GOLGA2: variants seen among roughly 807,000 people sequenced by gnomAD.
GOLGA2 encodes golgin subfamily A member 2.
In GOLGA2, 49 loss-of-function variants were observed where a neutral mutation model predicts 148.8. The ratio of observed to expected loss-of-function variants is 0.33; its 90% CI spans 0.26 to 0.42. The LOEUF (loss-of-function observed/expected upper bound fraction) is 0.42, where lower values mean the gene tolerates loss of function less well. Among genes scored for constraint, GOLGA2 ranks in the 10% least tolerant of loss-of-function variants. The pLI, the probability that GOLGA2 is intolerant of heterozygous loss-of-function variation, is 1.00. For synonymous variants in GOLGA2, 501 were observed against 511.8 expected (o/e 0.98, Z 0.28); for missense variants, 1,178 against 1,304.6 (o/e 0.90, Z 1.49).
intron 19 of GOLGA2, among the ~76,000 whole-genome samples, chr9:128,259,729 G>C (rs1039373046): frequency 6.6e-6 from 1 of 152,228 alleles, no homozygotes; most frequent in Admixed American, 6.5e-5. Context: ...TCCTTTTTAA[G>C]TTAAAGAAAC....
At position 128,267,492 on chromosome 9, in the gene GOLGA2, C is replaced by T; in HGVS notation, c.527G>A (p.Gly176Asp). ...CESATCVNGEGPASSANLKDL... is the reference protein window; with the variant it reads ...CESATCVNGEDPASSANLKDL... ...CTTCAGGTTAGCAGACGATGCAGGG[C>T]CCTCCCCATTGACACATGTCGCAGA... The change falls in exon 7 of 27, where the codon GGC becomes GAC. Residue 176 changes from glycine (G) to aspartate (D), a missense_variant. Physicochemically the swap from Gly to Asp is moderately conservative, Grantham distance 94. Transcript: ENST00000611957. 1 of 1,613,448 alleles carries T rather than the reference C, an allele frequency of 6.2e-7. No homozygotes were observed. The highest frequency in any genetic ancestry group is 8.5e-7 in the Non-Finnish European group (1 of 1,179,410).
In GOLGA2 at chr9:128,257,249, C is replaced by T. The variant is rs1314871267; in HGVS notation, c.2908G>A (p.Glu970Lys). 1 of 1,613,422 alleles carries T rather than the reference C, an allele frequency of 6.2e-7. No homozygotes were observed. Among genetic ancestry groups the T allele is most frequent in the East Asian group, 2.2e-5 (1 of 44,872 alleles). ...TCCCTGGCCTCTCCTTGGGCAGGCT[C>T]CACACTGCCGGCGAGGCTCACCTCG... ...LCEVSLAGSV[E>K]PAQGEAREGS... Residue 970 changes from glutamate to lysine, a missense_variant, in exon 27 of 27, where the codon GAG becomes AAG. Transcript: ENST00000611957. This position sits in a 1 kb window ranked among gnomAD's most constrained non-coding sequence, Gnocchi z 8.0.
chr9:128,260,789 G>C lies in GOLGA2; in HGVS notation c.1434C>G (p.Pro478=). ...CGGAGGGCCCTGCTGGGGGCTCTGG[G>C]GGCGGGGGTTCAGCTGAGAAAGGAC... ...ELRNQMAEPP[P]PEPPAGPSEV... The change falls in exon 18 of 27, where the codon CCC becomes CCG. Residue 478 remains proline (P), a synonymous_variant. Coordinates refer to ENST00000611957, the MANE Select transcript of GOLGA2 (RefSeq NM_001366244.2). This position sits in a 1 kb window ranked among gnomAD's most constrained non-coding sequence, Gnocchi z 4.8. The C allele has an allele frequency of 6.2e-7, 1 of 1,605,752 alleles. No individual in the cohort carries two copies. The highest frequency in any genetic ancestry group is 8.5e-7 in the Non-Finnish European group (1 of 1,176,184).
At position 128,258,271 on chromosome 9, in the gene GOLGA2, C is replaced by A; in HGVS notation, c.2290-73G>T. ...CAGGGCAGGGAGGTAGAGAGCAGCCCTTCCCTTGGGGCCTCAGAGGGTGCA... is the reference window on the plus strand; with the variant it reads ...CAGGGCAGGGAGGTAGAGAGCAGCCATTCCCTTGGGGCCTCAGAGGGTGCA... On this transcript the variant is annotated intron_variant, in intron 22 of 26. Transcript: ENST00000611957. This position sits in a 1 kb window ranked among gnomAD's most constrained non-coding sequence, Gnocchi z 6.6. 1 of 1,288,282 alleles carries A rather than the reference C, an allele frequency of 7.8e-7. No homozygotes were observed. 79.8% of individuals were successfully genotyped at this position (1,288,282 alleles called of 1,614,324 possible). A position where few individuals can be genotyped will look rare whatever the true frequency, so the allele number is the denominator to read the frequency against.
chr9:128,264,395 T>C (rs1177107679), intron 12 of GOLGA2, among the ~76,000 whole-genome samples: 2 of 149,678 alleles, frequency 1.3e-5, no homozygotes, highest in African/African-American at 4.9e-5. Flanking sequence ...CCATCATGCC[T>C]GGCTAATTTT....
chr9:128,258,438 G>A lies in GOLGA2; in HGVS notation c.2289+17C>T. 6.2e-7 allele frequency: 1 copy of A among 1,600,166 alleles called. No individual in the cohort carries two copies. The highest frequency in any genetic ancestry group is 1.1e-5 in the South Asian group (1 of 90,578). Reference sequence around the variant, plus strand: ...AGAGGGAGGCAGCAAAGGTTGGGGAGGGGGAGTCAGCCTCACCATGGCTTC... The same window carrying A: ...AGAGGGAGGCAGCAAAGGTTGGGGAAGGGGAGTCAGCCTCACCATGGCTTC... On this transcript the variant is annotated intron_variant, in intron 22 of 26. Transcript: ENST00000611957. The surrounding 1 kb of genome is among the most constrained non-coding windows in gnomAD (Gnocchi z 6.6).
At chr9:128,264,060 G>A (rs1243374703) in intron 12 of GOLGA2, among the ~76,000 whole-genome samples, 1 of 150,132 alleles carries the variant, frequency 6.7e-6, no homozygotes, top group African/African-American at 2.4e-5. Context: ...AGCTACTCGG[G>A]AGGCTGAGGC....
intron 3 of GOLGA2, among the ~76,000 whole-genome samples, chr9:128,272,132 T>G (rs1300069047): frequency 1.3e-5 from 2 of 150,742 alleles, no homozygotes; most frequent in East Asian, 3.9e-4. Flanking sequence ...TTTGTGTTTT[T>G]TTTTTTTCAT....
chr9:128,275,866 G>A, intron 1 of GOLGA2, 27 bp downstream of exon 1: 2 of 1,297,580 alleles, frequency 1.5e-6, no homozygotes, highest in Admixed American at 2.1e-5. Context: ...GGGCTGGGTC[G>A]GGGGGCCGCG....
rs760161583 is a variant in GOLGA2, at chr9:128,259,130, GT to G, written c.2097+36del. 12 of 1,599,448 alleles carry G rather than the reference GT, an allele frequency of 7.5e-6. No individual in the cohort carries two copies. In the South Asian group the frequency reaches 7.7e-5, roughly 10 times the overall value. The stretch of plus-strand genomic sequence containing the variant: ...GAGAAGGCATGGAGGTTGCCAGGTT[GT>G]CCCCCTCGGGGCCCTGCCCTCACCA... On this transcript the variant is annotated intron_variant, in intron 20 of 26. Coordinates refer to ENST00000611957, the MANE Select transcript of GOLGA2 (RefSeq NM_001366244.2).
Position 128,261,510 on chromosome 9 carries a change from T to G in GOLGA2, c.1276A>C (p.Asn426His). 8.1e-6 allele frequency: 13 copies of G among 1,612,286 alleles called. No individual in the cohort carries two copies. The highest frequency in any genetic ancestry group is 1.1e-5 in the Non-Finnish European group (13 of 1,178,284). ...LQMERDKYAE[N>H]LKGESAMWRQ... ...CACATGGCGCTCTCTCCTTTGAGAT[T>G]CTCCGCATATTTATCTCTCTCCATT... The change falls in exon 16 of 27, where the codon AAT becomes CAT. Residue 426 changes from asparagine (N) to histidine (H), a missense_variant. By Grantham distance (68) the Asn-to-His change is moderately conservative. Transcript: ENST00000611957. The surrounding 1 kb of genome is among the most constrained non-coding windows in gnomAD (Gnocchi z 5.7).
intron 19 of GOLGA2, among the ~76,000 whole-genome samples, chr9:128,259,836 C>T (rs1023591610): frequency 1.3e-5 from 2 of 152,214 alleles, no homozygotes; most frequent in African/African-American, 2.4e-5. Flanking sequence ...GCTGTCTCTT[C>T]CCCTGTGATT....
rs1205397148 is a variant in GOLGA2 at position 128,260,450 on chromosome 9, G to A, written c.1758+15C>T. The A allele has an allele frequency of 6.3e-7, 1 of 1,597,438 alleles. No homozygotes were observed. Among genetic ancestry groups the A allele is most frequent in the South Asian group, 1.1e-5 (1 of 90,086 alleles). On this transcript the variant is annotated intron_variant, in intron 18 of 26. Coordinates refer to ENST00000611957, the MANE Select transcript of GOLGA2 (RefSeq NM_001366244.2). This position sits in a 1 kb window ranked among gnomAD's most constrained non-coding sequence, Gnocchi z 4.8. ...GCTAGGGAGGAGGGCGGGCTCTCCAGGTGGGGCAGCGCACCAGCTTTACAA... is the reference window on the plus strand; with the variant it reads ...GCTAGGGAGGAGGGCGGGCTCTCCAAGTGGGGCAGCGCACCAGCTTTACAA...
rs562198238 is a variant in GOLGA2, at chr9:128,267,695, C to T, written c.502-178G>A. Reference sequence around the variant, plus strand: ...TTATTTCCCCACCATCCTTTCCTCCCGAGCAGCTCTCATCCAGTGCTTCTG... The same window carrying T: ...TTATTTCCCCACCATCCTTTCCTCCTGAGCAGCTCTCATCCAGTGCTTCTG... On this transcript the variant is annotated intron_variant, in intron 6 of 26. Transcript: ENST00000611957. Among the ~76,000 whole-genome samples the T allele has an allele frequency of 4.3e-4, 66 of 152,288 alleles. 1 individual carries two copies. The South Asian group carries it at 0.013, about 31-fold the overall frequency.
Position 128,268,257 on chromosome 9 carries a change from T to G in GOLGA2, c.394-97A>C. On this transcript the variant is annotated intron_variant, in intron 4 of 26. Transcript: ENST00000611957. Reference sequence around the variant, plus strand: ...GCTCCCAAACTCATTCTAACAATCTTCAATCTCCCCAGGCCTCAAGGAAAA... The same window carrying G: ...GCTCCCAAACTCATTCTAACAATCTGCAATCTCCCCAGGCCTCAAGGAAAA... 3.3e-6 allele frequency: 4 copies of G among 1,227,074 alleles called. No homozygotes were observed. The South Asian group carries it at 4.8e-5, about 15-fold the overall frequency. The allele number at this position is 1,227,074 out of a possible 1,614,324, so 76.0% of individuals were successfully genotyped here. A position where few individuals can be genotyped will look rare whatever the true frequency, so the allele number is the denominator to read the frequency against.
chr9:128,272,408 C>T (rs1831011056), intron 3 of GOLGA2, among the ~76,000 whole-genome samples: 1 of 151,522 alleles, frequency 6.6e-6, no homozygotes, highest in South Asian at 2.1e-4. Context: ...CACTTGAACC[C>T]AGGAGGCAGA....
Position 128,257,957 on chromosome 9 carries a change from C to T in GOLGA2, c.2508+23G>A, listed in dbSNP as rs78530536. 2,301 of 1,606,228 alleles carry T rather than the reference C, an allele frequency of 1.4e-3. 50 individuals carry two copies. In the East Asian group the frequency reaches 0.044, roughly 30 times the overall value. The stretch of plus-strand genomic sequence containing the variant: ...TGCCCCGCCCCCACCCTTCTTGACC[C>T]ATGCCAGGAGAGACTCATTCACCTG... On this transcript the variant is annotated intron_variant, in intron 23 of 26. Coordinates refer to ENST00000611957, the MANE Select transcript of GOLGA2 (RefSeq NM_001366244.2). This position sits in a 1 kb window ranked among gnomAD's most constrained non-coding sequence, Gnocchi z 8.0.
chr9:128,269,574 C>T (rs1830809667), intron 3 of GOLGA2, among the ~76,000 whole-genome samples: 2 of 152,180 alleles, frequency 1.3e-5, no homozygotes, highest in Non-Finnish European at 2.9e-5. Context: ...CCTGCTTGAT[C>T]AGAGCCCCAC....
intron 7 of GOLGA2, 61 bp downstream of exon 7, chr9:128,267,397 G>A: frequency 6.7e-7 from 1 of 1,498,878 alleles, no homozygotes; most frequent in East Asian, 2.3e-5. Flanking sequence ...AGCCCCCGCT[G>A]TGGGAGGAGG....
Sources: allele counts gnomAD v4.1 joint callset (sites outside exome capture counted in the v4.1 genomes callset), GRCh38; gene constraint gnomAD v4.1.1; non-coding constraint Gnocchi (gnomAD v3.1); transcripts MANE v1.5; gene names NCBI Gene and HGNC (gene_info 2026-07-23, HGNC 2026-07-21).